The following DHRS11 variants were observed in gnomAD, a reference collection of about 807,000 sequenced individuals.
DHRS11 encodes dehydrogenase/reductase SDR family member 11.
Under a neutral mutation model 30.7 loss-of-function variants are expected in DHRS11, and 18 were observed. The observed-to-expected ratio is 0.59, with a 90% confidence interval of 0.41 to 0.87. The LOEUF is 0.87. Among genes scored for constraint, DHRS11 ranks in the 40% least tolerant of loss-of-function variants. DHRS11 has a pLI of 0.00. For synonymous variants in DHRS11, 123 were observed against 139.6 expected (o/e 0.88, Z 0.84); for missense variants, 300 against 349.0 (o/e 0.86, Z 1.12).
chr17:36,600,023 C>A lies in DHRS11; in HGVS notation c.727C>A (p.Pro243Thr). The part of the protein sequence containing the change: ...AEAVIYVLST[P>T]AHIQIGDIQM... ...GGCTGTTATCTACGTCCTCAGCACC[C>A]CCGCACACATCCAGGTGAGTCTGGC... The change falls in exon 6 of 7, where the codon CCC (proline) becomes ACC (threonine). Residue 243 changes from proline to threonine, a missense_variant. Physicochemically the swap from Pro to Thr is conservative, Grantham distance 38. Transcript: ENST00000618403. The A allele has an allele frequency of 6.2e-7, 1 of 1,613,822 alleles. No individual in the cohort carries two copies. The highest frequency in any genetic ancestry group is 8.5e-7 in the Non-Finnish European group (1 of 1,179,920).
At chr17:36,597,714 G>A (rs2074822210) in intron 2 of DHRS11, 1 of 202,912 alleles carries the variant, frequency 4.9e-6, no homozygotes. Context: ...AGATTTGTAA[G>A]CCATTTTGGT....
chr17:36,600,300 C>G lies in DHRS11; in HGVS notation c.*97C>G. On this transcript the variant is annotated 3_prime_UTR_variant, in exon 7 of 7. Coordinates refer to ENST00000618403, the MANE Select transcript of DHRS11 (RefSeq NM_024308.4). ...ATTTCTGGATCACGGGATACCACTT[C>G]CTGTCCACACCCCGACCAGGGGCTA... is the stretch of plus-strand genomic sequence containing the variant. The G allele has an allele frequency of 7.0e-7, 1 of 1,419,894 alleles. No homozygotes were observed. The highest frequency in any genetic ancestry group is 2.1e-4 in the Middle Eastern group (1 of 4,794). 88.0% of individuals were successfully genotyped at this position (1,419,894 alleles called of 1,614,324 possible). A position where few individuals can be genotyped will look rare whatever the true frequency, so the allele number is the denominator to read the frequency against.
chr17:36,599,450 C>T (rs1002210857), intron 4 of DHRS11: 6 of 588,704 alleles, frequency 1.0e-5, no homozygotes, highest in Admixed American at 3.1e-5. Context: ...TTCAGGGACA[C>T]TTTTTTGTAA....
rs748717315 is a variant in DHRS11, at chr17:36,599,713, C to A, written c.625C>A (p.Leu209Ile). Residue 209 changes from leucine to isoleucine, a missense_variant, in exon 5 of 7, where the codon CTC becomes ATC. Physicochemically the swap from Leu to Ile is conservative, Grantham distance 5. Transcript: ENST00000618403. ...GVVETQFAFK[L>I]HDKDPEKAAA... ...GGTGGAGACACAATTCGCCTTCAAA[C>A]TCCACGACAAGGACCCTGAGAAGGC... is the stretch of plus-strand genomic sequence containing the variant. 3 of 1,614,072 alleles carry A rather than the reference C, an allele frequency of 1.9e-6. No homozygotes were observed. The African/African-American group carries it at 4.0e-5, about 22-fold the overall frequency.
At chr17:36,599,556 A>C (rs2074838881) in intron 4 of DHRS11, 115 bp from the exon 5 acceptor site, 1 of 1,051,190 alleles carries the variant, frequency 9.5e-7, no homozygotes, top group African/African-American at 1.6e-5. Context: ...CCGCTGCCGG[A>C]TATCAGGCAG....
At position 36,592,592 on chromosome 17, in the gene DHRS11, C is replaced by T. The variant is rs987711165; in HGVS notation, c.147+436C>T. On this transcript the variant is annotated intron_variant, in intron 1 of 6. Coordinates refer to ENST00000618403, the MANE Select transcript of DHRS11 (RefSeq NM_024308.4). The surrounding 1 kb of genome is among the most constrained non-coding windows in gnomAD (Gnocchi z 4.4). ...GGGTGGGAGCTTTACTGAAGAGCCT[C>T]AGCCCCGCCCCCTCACCTCGGGGGT... 8.5e-5 allele frequency among the ~76,000 whole-genome samples: 13 copies of T among 152,200 alleles called. No individual in the cohort carries two copies. Among genetic ancestry groups the T allele is most frequent in the African/African-American group, 2.9e-4 (12 of 41,466 alleles).
chr17:36,591,980 T>G lies in DHRS11; in HGVS notation c.-30T>G. On this transcript the variant is annotated 5_prime_UTR_variant, in exon 1 of 7. Transcript: ENST00000618403. ...CTCCTCGACCCCCGTGTCGGGCTAG[T>G]CCAGCGAGGCGGACGGGCGGCGTGG... is the stretch of plus-strand genomic sequence containing the variant. The G allele has an allele frequency of 8.2e-7, 1 of 1,224,168 alleles. No individual in the cohort carries two copies. The highest frequency in any genetic ancestry group is 1.0e-6 in the Non-Finnish European group (1 of 983,264). 75.8% of individuals were successfully genotyped at this position (1,224,168 alleles called of 1,614,324 possible). A position where few individuals can be genotyped will look rare whatever the true frequency, so the allele number is the denominator to read the frequency against.
Position 36,593,585 on chromosome 17 carries a change from G to A in DHRS11, c.148-1386G>A, listed in dbSNP as rs117781219. ...AGAATTTGGGTTCTAGCTTCCTACA[G>A]AGAAAACTCCTGTTTCCTGAAGTGA... is the stretch of plus-strand genomic sequence containing the variant. On this transcript the variant is annotated intron_variant, in intron 1 of 6. Coordinates refer to ENST00000618403, the MANE Select transcript of DHRS11 (RefSeq NM_024308.4). 7.2e-3 allele frequency among the ~76,000 whole-genome samples: 1,090 copies of A among 152,348 alleles called. 6 individuals carry two copies. Among genetic ancestry groups the A allele is most frequent in the Non-Finnish European group, 9.7e-3 (659 of 68,030 alleles).
At chr17:36,594,773 C>T (rs570572661) in intron 1 of DHRS11, 198 bp from the exon 2 acceptor site, 13 of 611,138 alleles carry the variant, frequency 2.1e-5, no homozygotes, top group East Asian at 1.6e-4. Context: ...CTTCATCACT[C>T]GGGGAGCACT....
chr17:36,598,791 C>G, intron 3 of DHRS11, 130 bp from the exon 4 acceptor site: 1 of 1,218,324 alleles, frequency 8.2e-7, no homozygotes, highest in Non-Finnish European at 1.1e-6. Context: ...GTAGGATGGC[C>G]AGTAGAGGTC....
intron 2 of DHRS11, 114 bp from the exon 3 acceptor site, chr17:36,598,049 T>G (rs1381293991): frequency 9.5e-7 from 1 of 1,057,856 alleles, no homozygotes; most frequent in Non-Finnish European, 1.5e-6. Context: ...CGGGGGGACC[T>G]GGACACTGTT....
chr17:36,596,853 G>T (rs1372059490), intron 2 of DHRS11: 4 of 470,768 alleles, frequency 8.5e-6, no homozygotes, highest in Non-Finnish European at 1.8e-5. Context: ...ACAGATGCTT[G>T]GGCCTGGAAA....
rs1161083593 is a variant in DHRS11 at position 36,592,666 on chromosome 17, CCCT to C, written c.147+516_147+518del. Among the ~76,000 whole-genome samples, 1 of 152,156 alleles carries C rather than the reference CCCT, an allele frequency of 6.6e-6. No homozygotes were observed. Among genetic ancestry groups the C allele is most frequent in the Non-Finnish European group, 1.5e-5 (1 of 68,026 alleles). On this transcript the variant is annotated intron_variant, in intron 1 of 6. Transcript: ENST00000618403. This position sits in a 1 kb window ranked among gnomAD's most constrained non-coding sequence, Gnocchi z 4.4. ...AATGAATGGAATATTCATTAGTGGG[CCCT>C]CCTCCACTCTCCTGGGGCGAACAGA...
chr17:36,599,061 G>A lies in DHRS11; in HGVS notation c.582+11G>A, dbSNP rs779449405. 4.3e-6 allele frequency: 7 copies of A among 1,610,098 alleles called. No individual in the cohort carries two copies. The East Asian group carries it at 8.9e-5, about 21-fold the overall frequency. ...CACATCCGAGCCACGGTGAGGCTGT[G>A]GCCTAGCCCTGGTGGGCACAGGGTG... On this transcript the variant is annotated intron_variant, in intron 4 of 6. Transcript: ENST00000618403.
chr17:36,598,861 GCACCA>G, intron 3 of DHRS11, 55 bp from the exon 4 acceptor site: 1 of 1,555,970 alleles, frequency 6.4e-7, no homozygotes, highest in Non-Finnish European at 8.7e-7. Flanking sequence ...TACGGCAGGA[GCACCA>G]CTGGTCTCCC....
In DHRS11 at chr17:36,592,287, C is replaced by T. The variant is rs1015683895; in HGVS notation, c.147+131C>T. 8.9e-7 allele frequency: 1 copy of T among 1,127,170 alleles called. No individual in the cohort carries two copies. The highest frequency in any genetic ancestry group is 1.1e-6 in the Non-Finnish European group (1 of 894,334). 69.8% of individuals were successfully genotyped at this position (1,127,170 alleles called of 1,614,324 possible). ...TCGGATCCCTTAAGGCAGGCTTCTCCCTTCCCCTTAAGTCTCATCTTTGAA... is the reference window on the plus strand; with the variant it reads ...TCGGATCCCTTAAGGCAGGCTTCTCTCTTCCCCTTAAGTCTCATCTTTGAA... On this transcript the variant is annotated intron_variant, in intron 1 of 6. Transcript: ENST00000618403. The surrounding 1 kb of genome is among the most constrained non-coding windows in gnomAD (Gnocchi z 4.4).
At chr17:36,594,828 G>C in intron 1 of DHRS11, 143 bp from the exon 2 acceptor site, 7 of 756,164 alleles carry the variant, frequency 9.3e-6, no homozygotes, top group Non-Finnish European at 1.6e-5. Context: ...TTAGGGGATG[G>C]GCAGTCCAAC....
rs2074834623 is a variant in DHRS11 at position 36,599,038 on chromosome 17, C to A, written c.570C>A (p.His190Gln). 24 of 1,611,794 alleles carry A rather than the reference C, an allele frequency of 1.5e-5. No individual in the cohort carries two copies. Among genetic ancestry groups the A allele is most frequent in the Non-Finnish European group, 1.6e-5 (19 of 1,179,944 alleles). Residue 190 changes from histidine (H) to glutamine (Q), a missense_variant, in exon 4 of 7, where the codon CAC (histidine) becomes CAA (glutamine). Physicochemically the swap from His to Gln is conservative, Grantham distance 24. Transcript: ENST00000618403. ...AAGAGCTTCGGGAGGCCCAGACCCA[C>A]ATCCGAGCCACGGTGAGGCTGTGGC... ...LRQELREAQT[H>Q]IRATCISPGV... is the part of the protein sequence containing the mutation.
Position 36,599,693 on chromosome 17 carries a change from A to G in DHRS11, c.605A>G (p.Glu202Gly). The change falls in exon 5 of 7, where the codon GAG (glutamate) becomes GGG (glycine). Residue 202 changes from glutamate to glycine, a missense_variant. Transcript: ENST00000618403. ...CAGTGCATCTCTCCAGGTGTGGTGG[A>G]GACACAATTCGCCTTCAAACTCCAC... is the stretch of plus-strand genomic sequence containing the variant. Reference protein sequence around the residue: ...RATCISPGVVETQFAFKLHDK... With the variant: ...RATCISPGVVGTQFAFKLHDK... 6.2e-7 allele frequency: 1 copy of G among 1,614,136 alleles called. No homozygotes were observed. The highest frequency in any genetic ancestry group is 1.1e-5 in the South Asian group (1 of 91,080).
Sources: gnomAD v4.1 joint callset for allele counts (sites outside exome capture counted in the v4.1 genomes callset) on GRCh38, gnomAD v4.1.1 for gene constraint, Gnocchi (gnomAD v3.1) non-coding constraint, MANE v1.5 for transcripts, NCBI Gene and HGNC (gene_info 2026-07-23, HGNC 2026-07-21) for gene names.